HPS3: variants seen among roughly 807,000 people sequenced by gnomAD.
HPS3 encodes the protein BLOC-2 complex member HPS3.
In HPS3, 79 loss-of-function variants were observed where a neutral mutation model predicts 110.9. The observed-to-expected ratio is 0.71, with a 90% CI of 0.59 to 0.86. The LOEUF (loss-of-function observed/expected upper bound fraction) is 0.86. Among genes scored for constraint, HPS3 ranks in the 40% least tolerant of loss-of-function variants. The probability of loss-of-function intolerance (pLI) is 0.00; values close to 1 mark genes in which losing one functional copy is unlikely to be tolerated. For synonymous variants in HPS3, 428 were observed against 451.0 expected, an observed-to-expected ratio of 0.95 and a Z score of 0.65; for missense variants, 1,197 against 1,206.2, an observed-to-expected ratio of 0.99 and a Z score of 0.11.
At chr3:149,145,663 T>TA (rs1722746865) in intron 5 of HPS3, 117 bp downstream of exon 5, 1 of 827,242 alleles carries the variant, frequency 1.2e-6, no homozygotes, top group Admixed American at 1.7e-5. Context: ...ATGCATGAGT[T>TA]ACATGTCATT....
chr3:149,144,982 G>A (rs1368397706), intron 4 of HPS3, among the ~76,000 whole-genome samples: 1 of 152,128 alleles, frequency 6.6e-6, no homozygotes, highest in African/African-American at 2.4e-5. Flanking sequence ...AGTAATTGCA[G>A]ATGTGGCTCA....
chr3:149,143,960 G>A (rs1280842962), intron 4 of HPS3, among the ~76,000 whole-genome samples: 2 of 152,134 alleles, frequency 1.3e-5, no homozygotes, highest in African/African-American at 2.4e-5. Context: ...CTTCAACAGT[G>A]TTGCTCCATG....
intron 8 of HPS3, among the ~76,000 whole-genome samples, chr3:149,156,819 T>A (rs983478213): frequency 2.0e-5 from 3 of 152,140 alleles, no homozygotes; most frequent in Admixed American, 6.6e-5. Flanking sequence ...AGTCTTCGTT[T>A]AGGTGATTTG....
chr3:149,159,392 A>C (rs1020082124), intron 10 of HPS3, among the ~76,000 whole-genome samples: 1 of 152,128 alleles, frequency 6.6e-6, no homozygotes, highest in African/African-American at 2.4e-5. Context: ...GCAAGATCCC[A>C]TCTCTACAGA....
In HPS3 at chr3:149,144,655, G is replaced by A. The variant is rs575783415; in HGVS notation, c.971-699G>A. On this transcript the variant is annotated intron_variant, in intron 4 of 16. Coordinates refer to ENST00000296051, the MANE Select transcript of HPS3 (RefSeq NM_032383.5). ...TGAATTTTGCTAAGTGAATCCTTAC[G>A]TGTCATTTAACATGTTTCTCTGTCC... Among the ~76,000 whole-genome samples, 23 of 152,058 alleles carry A rather than the reference G, an allele frequency of 1.5e-4. No homozygotes were observed. In the South Asian group the frequency reaches 4.2e-3, roughly 28 times the overall value.
rs1432840072 is a variant in HPS3 at position 149,173,574 on chromosome 3, A to C, written c.*1352A>C. Reference sequence around the variant, plus strand: ...AAAAAATTAATAGTTTTCCCCCACAAATGTACAAAGTTGTATGCTTCCAGT... The same window carrying C: ...AAAAAATTAATAGTTTTCCCCCACACATGTACAAAGTTGTATGCTTCCAGT... On this transcript the variant is annotated 3_prime_UTR_variant, in exon 17 of 17. Transcript: ENST00000296051. The C allele has an allele frequency of 8.4e-6, 5 of 598,380 alleles. No homozygotes were observed. In the East Asian group the frequency reaches 1.6e-4, roughly 19 times the overall value. 37.1% of individuals were successfully genotyped at this position (598,380 alleles called of 1,614,324 possible). A position where few individuals can be genotyped will look rare whatever the true frequency, so the allele number is the denominator to read the frequency against.
intron 14 of HPS3, 61 bp downstream of exon 14, chr3:149,164,010 A>T (rs909646464): frequency 1.6e-5 from 14 of 868,204 alleles, no homozygotes; most frequent in Non-Finnish European, 2.5e-5. Flanking sequence ...GTAAGATTAA[A>T]TTTGCTGAGA....
chr3:149,166,829 A>C (rs1184810327), intron 14 of HPS3, among the ~76,000 whole-genome samples: 1 of 152,200 alleles, frequency 6.6e-6, no homozygotes, highest in Non-Finnish European at 1.5e-5. Flanking sequence ...CTTTCTATTA[A>C]AGAGATCTTT....
chr3:149,138,423 T>C (rs903926255), intron 1 of HPS3, among the ~76,000 whole-genome samples: 3 of 152,162 alleles, frequency 2.0e-5, no homozygotes, highest in African/African-American at 4.8e-5. Flanking sequence ...CTCTGACTTA[T>C]CTCCTTCTTT....
intron 4 of HPS3, among the ~76,000 whole-genome samples, chr3:149,142,361 T>A (rs760364391): frequency 6.6e-6 from 1 of 152,180 alleles, no homozygotes; most frequent in Non-Finnish European, 1.5e-5. Context: ...GTGAATTAGG[T>A]GTAAAAATGT....
chr3:149,149,215 G>A (rs552769361), intron 5 of HPS3, among the ~76,000 whole-genome samples: 2 of 148,950 alleles, frequency 1.3e-5, no homozygotes, highest in African/African-American at 2.5e-5. Flanking sequence ...CGCCTGTCTC[G>A]GCCTCCCAAA....
chr3:149,171,017 C>T (rs79301744), intron 16 of HPS3, among the ~76,000 whole-genome samples: 3,141 of 152,220 alleles, frequency 0.021, 50 homozygotes, highest in Middle Eastern at 0.041. Context: ...CGGTGGCTCA[C>T]GCCGGTAATC....
At chr3:149,149,233 G>A (rs1336576310) in intron 5 of HPS3, among the ~76,000 whole-genome samples, 1 of 151,616 alleles carries the variant, frequency 6.6e-6, no homozygotes, top group Admixed American at 6.6e-5. Flanking sequence ...AAAATGCTGG[G>A]ATTACAGGCT....
chr3:149,137,606 A>G (rs1208667890), intron 1 of HPS3, among the ~76,000 whole-genome samples: 5 of 152,216 alleles, frequency 3.3e-5, no homozygotes, highest in African/African-American at 9.7e-5. Flanking sequence ...AGTAAATAAA[A>G]TATATTGTAT....
intron 5 of HPS3, 31 bp downstream of exon 5, chr3:149,145,577 G>A: frequency 6.4e-7 from 1 of 1,572,614 alleles, no homozygotes. Context: ...GCTGGCCTGT[G>A]AGTCACTTAT....
intron 5 of HPS3, among the ~76,000 whole-genome samples, chr3:149,150,213 A>T (rs183221768): frequency 1.3e-5 from 2 of 152,144 alleles, no homozygotes; most frequent in Non-Finnish European, 2.9e-5. Flanking sequence ...CTTGGTTTTG[A>T]TAGACACCCA....
At chr3:149,133,955 C>T (rs1421985773) in intron 1 of HPS3, among the ~76,000 whole-genome samples, 1 of 151,574 alleles carries the variant, frequency 6.6e-6, no homozygotes, top group Non-Finnish European at 1.5e-5. Flanking sequence ...AAGCAATCCT[C>T]CAATATCTCT....
intron 4 of HPS3, among the ~76,000 whole-genome samples, chr3:149,143,749 G>T (rs1477398958): frequency 1.3e-5 from 2 of 152,134 alleles, no homozygotes; most frequent in South Asian, 4.1e-4. Flanking sequence ...ACAGATATAT[G>T]TTAAAAAAGA....
intron 11 of HPS3, among the ~76,000 whole-genome samples, chr3:149,161,226 AAACTT>A (rs1488264099): frequency 6.6e-6 from 1 of 152,202 alleles, no homozygotes; most frequent in African/African-American, 2.4e-5. Flanking sequence ...AATTTTGAAA[AAACTT>A]AAGATATATT....
Sources: gnomAD v4.1 joint callset for allele counts (sites outside exome capture counted in the v4.1 genomes callset) on GRCh38, gnomAD v4.1.1 for gene constraint, MANE v1.5 for transcripts, NCBI Gene and HGNC (gene_info 2026-07-23, HGNC 2026-07-21) for gene names.